Variants in ITGA9 observed in about 807,000 individuals in gnomAD.
ITGA9 encodes integrin subunit alpha 9.
A neutral mutation model predicts 127.8 loss-of-function variants in ITGA9; 56 were observed. That is an observed-to-expected ratio of 0.44 (90% confidence interval 0.35 to 0.55). The LOEUF is 0.55. ITGA9 is among the 20% of genes least tolerant of loss of function. The probability of loss-of-function intolerance (pLI) is 0.00; values close to 1 mark genes in which losing one functional copy is unlikely to be tolerated. For missense variants in ITGA9, 1,196 were observed against 1,347.1 expected, an observed-to-expected ratio of 0.89 and a Z score of 1.76; for synonymous variants, 508 against 514.5, an observed-to-expected ratio of 0.99 and a Z score of 0.17.
At chr3:37,812,129 A>G (rs1697375711) in intron 27 of ITGA9, among the ~76,000 whole-genome samples, 1 of 152,166 alleles carries the variant, frequency 6.6e-6, no homozygotes, top group South Asian at 2.1e-4. Flanking sequence ...ATGTGCTTGC[A>G]CACACACCCT....
intron 16 of ITGA9, among the ~76,000 whole-genome samples, chr3:37,652,474 GATAATC>G (rs1433190637): frequency 3.3e-5 from 5 of 152,162 alleles, no homozygotes; most frequent in African/African-American, 1.2e-4. Flanking sequence ...TATTTTCCCT[GATAATC>G]AAGGAAGGGA....
chr3:37,734,159 A>T (rs913188137), intron 19 of ITGA9, among the ~76,000 whole-genome samples: 3 of 152,148 alleles, frequency 2.0e-5, no homozygotes, highest in Non-Finnish European at 4.4e-5. Flanking sequence ...CATTCTGTCC[A>T]CATTCACCCC....
intron 18 of ITGA9, among the ~76,000 whole-genome samples, chr3:37,688,239 G>T (rs1700799713): frequency 6.6e-6 from 1 of 152,132 alleles, no homozygotes; most frequent in African/African-American, 2.4e-5. Context: ...TGTGAGCGAG[G>T]TGCTAGCCAC....
chr3:37,793,389 A>AACACACATAC lies in ITGA9; in HGVS notation c.2889+8318_2889+8319insTACACACACA, dbSNP rs1270642484. Among the ~76,000 whole-genome samples, 14 of 134,564 alleles carry AACACACATAC rather than the reference A, an allele frequency of 1.0e-4. 1 individual carries two copies. The highest frequency in any genetic ancestry group is 3.5e-4 in the African/African-American group (13 of 36,694). The allele number at this position is 134,564 out of a possible 152,430, so 88.3% of individuals were successfully genotyped here. On this transcript the variant is annotated intron_variant, in intron 26 of 27. Transcript: ENST00000264741. ...AGACTTCCACAGCCCCAAACAGGTC[A>AACACACATAC]ACACACACACACACACACACACACA... is the stretch of plus-strand genomic sequence containing the variant.
At position 37,774,125 on chromosome 3, in the gene ITGA9, G is replaced by A. The variant is rs181783664; in HGVS notation, c.2542-3267G>A. Among the ~76,000 whole-genome samples, 433 of 152,308 alleles carry A rather than the reference G, an allele frequency of 2.8e-3. 3 individuals are homozygous for A. Among genetic ancestry groups the A allele is most frequent in the Non-Finnish European group, 4.6e-3 (310 of 68,016 alleles). ...TTGGCACACACCAACGCCCACTTGC[G>A]TAGCACTGCAGCAGTTGTTTTCCTC... On this transcript the variant is annotated intron_variant, in intron 23 of 27. Coordinates refer to ENST00000264741, the MANE Select transcript of ITGA9 (RefSeq NM_002207.3).
intron 13 of ITGA9, among the ~76,000 whole-genome samples, chr3:37,526,512 A>G (rs564676901): frequency 6.6e-6 from 1 of 152,338 alleles, no homozygotes; most frequent in South Asian, 2.1e-4. Context: ...GTCAGTCCAC[A>G]ACACCCTGGG....
At chr3:37,665,137 T>TA (rs1700574265) in intron 17 of ITGA9, among the ~76,000 whole-genome samples, 1 of 152,008 alleles carries the variant, frequency 6.6e-6, no homozygotes, top group African/African-American at 2.4e-5. Context: ...CATGCCCAGC[T>TA]AATTTTTGTA....
chr3:37,460,018 G>A (rs533060739), intron 1 of ITGA9, among the ~76,000 whole-genome samples: 1 of 152,246 alleles, frequency 6.6e-6, no homozygotes, highest in South Asian at 2.1e-4. Flanking sequence ...AGGCTGTCTA[G>A]CATTAAGACA....
intron 15 of ITGA9, among the ~76,000 whole-genome samples, chr3:37,585,926 T>A (rs950465827): frequency 3.9e-5 from 6 of 152,248 alleles, no homozygotes; most frequent in African/African-American, 1.4e-4. Flanking sequence ...CCTGGGAATC[T>A]GTTTTCAACG....
intron 14 of ITGA9, among the ~76,000 whole-genome samples, chr3:37,541,848 C>T (rs61290197): frequency 0.011 from 1,697 of 152,288 alleles, 19 homozygotes; most frequent in African/African-American, 0.037. Flanking sequence ...CTACCTTTAG[C>T]GGTGCCTGGC....
At chr3:37,678,388 T>C (rs1700703283) in intron 17 of ITGA9, among the ~76,000 whole-genome samples, 1 of 152,154 alleles carries the variant, frequency 6.6e-6, no homozygotes, top group Non-Finnish European at 1.5e-5. Context: ...TGGGAAAAAA[T>C]AGTTTTTAAA....
At chr3:37,779,820 T>G in intron 24 of ITGA9, 82 bp from the exon 25 acceptor site, 9 of 1,389,626 alleles carry the variant, frequency 6.5e-6, no homozygotes, top group African/African-American at 1.4e-5. Context: ...ACCAAGTTCA[T>G]GGAGCCCACT....
At chr3:37,471,171 T>C (rs1698427418) in intron 2 of ITGA9, 37 bp downstream of exon 2, 1 of 1,611,496 alleles carries the variant, frequency 6.2e-7, no homozygotes, top group Non-Finnish European at 8.5e-7. Context: ...AAATGGGTTC[T>C]GTACCCTTAT....
intron 18 of ITGA9, among the ~76,000 whole-genome samples, chr3:37,727,924 T>G (rs1696235075): frequency 3.3e-5 from 5 of 152,348 alleles, no homozygotes; most frequent in Middle Eastern, 3.4e-3. Flanking sequence ...GTTTTATCCA[T>G]TTTTCAACAT....
intron 26 of ITGA9, among the ~76,000 whole-genome samples, chr3:37,802,967 G>C (rs1407290200): frequency 6.6e-6 from 1 of 152,214 alleles, no homozygotes; most frequent in Non-Finnish European, 1.5e-5. Flanking sequence ...GGAAACTACA[G>C]TACAGCCTCT....
intron 23 of ITGA9, among the ~76,000 whole-genome samples, chr3:37,765,046 G>T (rs191099946): frequency 2.6e-4 from 39 of 152,208 alleles, no homozygotes; most frequent in African/African-American, 9.4e-4. Context: ...AAAGGGCAAG[G>T]TCCTTATTTT....
intron 16 of ITGA9, among the ~76,000 whole-genome samples, chr3:37,644,765 C>T (rs553257757): frequency 2.0e-5 from 3 of 152,092 alleles, no homozygotes; most frequent in African/African-American, 7.2e-5. Context: ...TTTATCCTTC[C>T]ATGGTTTCAA....
intron 16 of ITGA9, among the ~76,000 whole-genome samples, chr3:37,644,329 A>G (rs1054342867): frequency 2.0e-5 from 3 of 152,170 alleles, no homozygotes; most frequent in African/African-American, 7.2e-5. Context: ...AAGTGAAACA[A>G]CTCAGACACA....
At chr3:37,545,993 A>C (rs1575145191) in intron 15 of ITGA9, among the ~76,000 whole-genome samples, 2 of 152,302 alleles carry the variant, frequency 1.3e-5, no homozygotes, top group South Asian at 4.1e-4. Flanking sequence ...TACCACCTGC[A>C]TGATTTTTAC....
Sources: allele counts gnomAD v4.1 joint callset (sites outside exome capture counted in the v4.1 genomes callset), GRCh38; gene constraint gnomAD v4.1.1; transcripts MANE v1.5; gene names NCBI Gene and HGNC (gene_info 2026-07-23, HGNC 2026-07-21).